Variants in RPS6KA2 observed in about 807,000 individuals in gnomAD.
The protein encoded by RPS6KA2 is ribosomal protein S6 kinase A2.
A neutral mutation model predicts 91.8 loss-of-function variants in RPS6KA2; 42 were observed. That is an observed-to-expected ratio of 0.46 (90% CI 0.36 to 0.59). The LOEUF is 0.59. Ranked by LOEUF, RPS6KA2 falls within the 20% of genes least tolerant of loss-of-function variation. RPS6KA2 has a pLI of 0.00. For synonymous variants in RPS6KA2, 414 were observed against 393.6 expected, an observed-to-expected ratio of 1.05 and a Z score of -0.61; for missense variants, 798 against 978.5, an observed-to-expected ratio of 0.82 and a Z score of 2.46.
chr6:166,755,719 C>T (rs1355697451), intron 2 of RPS6KA2, among the ~76,000 whole-genome samples: 1 of 152,176 alleles, frequency 6.6e-6, no homozygotes, highest in African/African-American at 2.4e-5. Context: ...GGTAAGTTTA[C>T]TGACATCTTT....
chr6:166,607,292 C>T (rs1428276703), intron 1 of RPS6KA2, among the ~76,000 whole-genome samples: 1 of 152,028 alleles, frequency 6.6e-6, no homozygotes, highest in Non-Finnish European at 1.5e-5. Context: ...GGTATAAACC[C>T]AGGAGAAATA....
chr6:166,436,560 A>G (rs996433608), intron 14 of RPS6KA2, among the ~76,000 whole-genome samples: 2 of 152,220 alleles, frequency 1.3e-5, no homozygotes, highest in East Asian at 1.9e-4. Flanking sequence ...GTGGGCAGAA[A>G]GGCCTCGGCC....
intron 2 of RPS6KA2, among the ~76,000 whole-genome samples, chr6:166,783,767 T>C (rs76793236): frequency 0.016 from 1,925 of 120,828 alleles, 110 homozygotes; most frequent in South Asian, 0.064. Flanking sequence ...CATATACACA[T>C]GTGCACATCT....
Position 166,824,461 on chromosome 6 carries a change from T to A in RPS6KA2, c.123+33739A>T, listed in dbSNP as rs372858725. ...ATACTTCCCAACTTCTCTGTGGCAG[T>A]TTTCACTTAAAAGGAAACTTGAATA... On this transcript the variant is annotated intron_variant, in intron 2 of 21. Coordinates refer to the RPS6KA2 transcript ENST00000503859. Among the ~76,000 whole-genome samples, 88 of 152,344 alleles carry A rather than the reference T, an allele frequency of 5.8e-4. 3 individuals carry two copies. In the East Asian group the frequency reaches 0.016, roughly 28 times the overall value.
Position 166,603,747 on chromosome 6 carries a change from A to G in RPS6KA2, c.99+23174T>C, listed in dbSNP as rs1042667220. Among the ~76,000 whole-genome samples the G allele has an allele frequency of 4.6e-5, 7 of 152,218 alleles. No individual in the cohort carries two copies. Among genetic ancestry groups the G allele is most frequent in the Non-Finnish European group, 7.3e-5 (5 of 68,036 alleles). On this transcript the variant is annotated intron_variant, in intron 1 of 20. Transcript: ENST00000265678. This position sits in a 1 kb window ranked among gnomAD's most constrained non-coding sequence, Gnocchi z 4.3. ...AGGATACTGAATATTGCGAGGTTGC[A>G]GAAGGGAGGCCAGGGAATGGCTGTG...
rs1396400002 is a variant in RPS6KA2, at chr6:166,732,445, A to T, written c.123+125755T>A. Among the ~76,000 whole-genome samples, 2 of 152,208 alleles carry T rather than the reference A, an allele frequency of 1.3e-5. No individual in the cohort carries two copies. Among genetic ancestry groups the T allele is most frequent in the East Asian group, 3.9e-4 (2 of 5,192 alleles). On this transcript the variant is annotated intron_variant, in intron 2 of 21. Transcript: ENST00000503859. The surrounding 1 kb of genome is among the most constrained non-coding windows in gnomAD (Gnocchi z 4.0). ...CCCAGGCCTTGATATTTGCCTGTCC[A>T]CCTGGAGGGATGTGACTTCCATCAG...
chr6:166,794,965 A>G (rs1417400313), intron 2 of RPS6KA2, among the ~76,000 whole-genome samples: 1 of 152,110 alleles, frequency 6.6e-6, no homozygotes, highest in Non-Finnish European at 1.5e-5. Flanking sequence ...AAACCTGCAC[A>G]TTGTGCACAT....
At chr6:166,647,856 G>A (rs1157692546) in intron 2 of RPS6KA2, among the ~76,000 whole-genome samples, 2 of 61,816 alleles carry the variant, frequency 3.2e-5, no homozygotes. Context: ...ACACGCACAT[G>A]CTCATACACA....
chr6:166,672,935 G>A (rs1367740934), intron 2 of RPS6KA2, among the ~76,000 whole-genome samples: 1 of 152,186 alleles, frequency 6.6e-6, no homozygotes, highest in Non-Finnish European at 1.5e-5. Flanking sequence ...CCCTGGCTTG[G>A]AGCGTGGGTT....
At position 166,418,623 on chromosome 6, in the gene RPS6KA2, G is replaced by A. The variant is rs1045414266; in HGVS notation, c.1821-281C>T. Among the ~76,000 whole-genome samples the A allele has an allele frequency of 6.6e-6, 1 of 152,234 alleles. No homozygotes were observed. Among genetic ancestry groups the A allele is most frequent in the Non-Finnish European group, 1.5e-5 (1 of 68,042 alleles). Reference sequence around the variant, plus strand: ...GACCCAGGTAAACTGGGATGGGGTGGCCTAGTGAGTTGCCTGGTGCCGTGG... The same window carrying A: ...GACCCAGGTAAACTGGGATGGGGTGACCTAGTGAGTTGCCTGGTGCCGTGG... On this transcript the variant is annotated intron_variant, in intron 18 of 20. Transcript: ENST00000265678. The surrounding 1 kb of genome is among the most constrained non-coding windows in gnomAD (Gnocchi z 4.9).
intron 10 of RPS6KA2, among the ~76,000 whole-genome samples, chr6:166,483,995 A>T (rs1562526019): frequency 6.6e-6 from 1 of 152,248 alleles, no homozygotes; most frequent in Non-Finnish European, 1.5e-5. Context: ...AGCGCACAGA[A>T]ACAGCATGAC....
intron 10 of RPS6KA2, among the ~76,000 whole-genome samples, chr6:166,486,204 ATTGT>A (rs1394052876): frequency 6.6e-6 from 1 of 152,050 alleles, no homozygotes; most frequent in Non-Finnish European, 1.5e-5. Context: ...CGTGGCAAAA[ATTGT>A]TTGGTCAGTA....
At chr6:166,681,111 G>C (rs1309262329) in intron 2 of RPS6KA2, among the ~76,000 whole-genome samples, 2 of 152,180 alleles carry the variant, frequency 1.3e-5, no homozygotes, top group African/African-American at 4.8e-5. Flanking sequence ...AAGGTGGAAA[G>C]GGCAGAGAGG....
chr6:166,627,215 C>A lies in RPS6KA2; in HGVS notation c.-196G>T, dbSNP rs879824646. 1.5e-3 allele frequency: 1,539 copies of A among 1,030,824 alleles called. 2 individuals carry two copies. The highest frequency in any genetic ancestry group is 4.0e-3 in the Admixed American group (71 of 17,734). The allele number at this position is 1,030,824 out of a possible 1,614,324, so 63.9% of individuals were successfully genotyped here. On this transcript the variant is annotated 5_prime_UTR_variant, in exon 1 of 21. Coordinates refer to ENST00000265678, the MANE Select transcript of RPS6KA2 (RefSeq NM_021135.6). ...CGGCCACCGCGGCCGGGGCCACAAT[C>A]GCTCCCTCCGCCTCCTTCTCCGCCT...
chr6:166,468,447 G>A (rs773229466), intron 11 of RPS6KA2, among the ~76,000 whole-genome samples: 1 of 152,242 alleles, frequency 6.6e-6, no homozygotes, highest in Admixed American at 6.5e-5. Flanking sequence ...GCTGAAGGAA[G>A]AGGAGAGCTG....
Position 166,430,455 on chromosome 6 carries a change from C to A in RPS6KA2, c.1579G>T (p.Gly527Trp). The A allele has an allele frequency of 6.2e-7, 1 of 1,611,070 alleles. No homozygotes were observed. Among genetic ancestry groups the A allele is most frequent in the Non-Finnish European group, 8.5e-7 (1 of 1,178,236 alleles). ...GCTGCCCCAGGCATGGCTCCTACCCCCTGGGAATGGAGGTAGTCCATGGTC... is the reference window on the plus strand; with the variant it reads ...GCTGCCCCAGGCATGGCTCCTACCCACTGGGAATGGAGGTAGTCCATGGTC... ...TKTMDYLHSQ[G>W]VVHRDLKPSN... is the part of the protein sequence containing the mutation. The change falls in exon 16 of 21, where the codon GGG becomes TGG. Residue 527 changes from glycine (G) to tryptophan (W), a missense_variant and splice_region_variant. By Grantham distance (184) the Gly-to-Trp change is radical. Transcript: ENST00000265678.
intron 2 of RPS6KA2, among the ~76,000 whole-genome samples, chr6:166,783,851 A>G (rs1434392702): frequency 1.3e-5 from 1 of 77,214 alleles, no homozygotes; most frequent in Non-Finnish European, 2.6e-5. Flanking sequence ...TATCTATACC[A>G]CATATGCACA....
intron 2 of RPS6KA2, among the ~76,000 whole-genome samples, chr6:166,637,452 C>T (rs896698307): frequency 1.3e-5 from 2 of 152,154 alleles, no homozygotes; most frequent in East Asian, 1.9e-4. Context: ...AACAATGAGC[C>T]GAGAGGAACA....
intron 1 of RPS6KA2, among the ~76,000 whole-genome samples, chr6:166,611,614 T>C (rs529428337): frequency 6.6e-6 from 1 of 152,318 alleles, no homozygotes; most frequent in African/African-American, 2.4e-5. Context: ...ATGAAAGAAA[T>C]TGCTTGGCTC....
Sources: gnomAD v4.1 joint callset for allele counts (sites outside exome capture counted in the v4.1 genomes callset) on GRCh38, gnomAD v4.1.1 for gene constraint, Gnocchi (gnomAD v3.1) non-coding constraint, MANE v1.5 for transcripts, NCBI Gene and HGNC (gene_info 2026-07-23, HGNC 2026-07-21) for gene names.